Variants in FSTL5 observed in about 807,000 individuals in gnomAD.
FSTL5 encodes the protein follistatin like 5, also known as follistatin-related protein 5.
A neutral mutation model predicts 89.1 loss-of-function variants in FSTL5; 62 were observed. That is an observed-to-expected ratio of 0.70 (90% CI 0.57 to 0.86). The LOEUF (loss-of-function observed/expected upper bound fraction) is 0.86, where lower values mean the gene tolerates loss of function less well. Among genes scored for constraint, FSTL5 ranks in the 40% least tolerant of loss-of-function variants. FSTL5 has a pLI of 0.00. For synonymous variants in FSTL5, 383 were observed against 346.2 expected, an observed-to-expected ratio of 1.11 and a Z score of -1.18; for missense variants, 1,057 against 1,001.6, an observed-to-expected ratio of 1.06 and a Z score of -0.75.
At chr4:161,861,147 G>C (rs139361492) in intron 4 of FSTL5, among the ~76,000 whole-genome samples, 1 of 152,270 alleles carries the variant, frequency 6.6e-6, no homozygotes, top group African/African-American at 2.4e-5. Context: ...ATGCAGCCAG[G>C]CATGATGGCT....
At chr4:162,122,316 A>G (rs1453759560) in intron 1 of FSTL5, among the ~76,000 whole-genome samples, 2 of 152,124 alleles carry the variant, frequency 1.3e-5, no homozygotes, top group East Asian at 3.9e-4. Flanking sequence ...TTGCATTAAC[A>G]TTCTCAACCC....
intron 6 of FSTL5, among the ~76,000 whole-genome samples, chr4:161,679,343 T>G (rs1737438493): frequency 6.6e-6 from 1 of 151,748 alleles, no homozygotes; most frequent in African/African-American, 2.4e-5. Flanking sequence ...CGTTGCAGGT[T>G]TTGACTTATT....
chr4:162,111,560 C>T lies in FSTL5; in HGVS notation c.-16-148G>A, dbSNP rs1047861493. ...GCCAAGGGAAATGAGAAGTGAGTAT[C>T]TCCAAATACGGATTATTCCTTTGAT... On this transcript the variant is annotated intron_variant, in intron 1 of 15. Transcript: ENST00000306100. 7 of 525,760 alleles carry T rather than the reference C, an allele frequency of 1.3e-5. 1 individual carries two copies. The Admixed American group carries it at 1.4e-4, about 10-fold the overall frequency. The allele number at this position is 525,760 out of a possible 1,614,324, so 32.6% of individuals were successfully genotyped here. A position where few individuals can be genotyped will look rare whatever the true frequency, so the allele number is the denominator to read the frequency against.
At chr4:161,948,831 C>T (rs2068095000) in intron 3 of FSTL5, among the ~76,000 whole-genome samples, 1 of 151,554 alleles carries the variant, frequency 6.6e-6, no homozygotes, top group Non-Finnish European at 1.5e-5. Context: ...CATATTCTGA[C>T]TTCCATTCTT....
At chr4:161,903,527 TA>T (rs1282096064) in intron 4 of FSTL5, among the ~76,000 whole-genome samples, 2 of 151,966 alleles carry the variant, frequency 1.3e-5, no homozygotes, top group Admixed American at 1.3e-4. Flanking sequence ...GGAATTTTGA[TA>T]AAAAGTTTTT....
intron 13 of FSTL5, among the ~76,000 whole-genome samples, chr4:161,460,926 A>G (rs539478747): frequency 6.6e-6 from 1 of 151,204 alleles, no homozygotes; most frequent in South Asian, 2.1e-4. Context: ...CAGAGGCTTA[A>G]GAGTGGTCAC....
intron 1 of FSTL5, among the ~76,000 whole-genome samples, chr4:162,129,368 TC>T (rs1466218283): frequency 2.6e-5 from 4 of 152,204 alleles, no homozygotes; most frequent in Non-Finnish European, 5.9e-5. Flanking sequence ...AAACAATATC[TC>T]CCAGAAAACT....
intron 6 of FSTL5, among the ~76,000 whole-genome samples, chr4:161,659,232 T>C (rs1736626991): frequency 6.6e-6 from 1 of 152,186 alleles, no homozygotes; most frequent in Non-Finnish European, 1.5e-5. Context: ...GTAATACTTA[T>C]TATTAAGTAA....
chr4:161,441,936 A>G (rs1244034803), intron 15 of FSTL5, among the ~76,000 whole-genome samples: 6 of 152,120 alleles, frequency 3.9e-5, no homozygotes, highest in African/African-American at 1.4e-4. Context: ...ATTCGCTAAC[A>G]TAAGTGAAAC....
In FSTL5 at chr4:161,975,245, A is replaced by G. The variant is rs556257114; in HGVS notation, c.161-54593T>C. 1.0e-3 allele frequency among the ~76,000 whole-genome samples: 150 copies of G among 144,240 alleles called. 2 individuals carry two copies. The highest frequency in any genetic ancestry group is 1.7e-3 in the Non-Finnish European group (111 of 65,840). The allele number at this position is 144,240 out of a possible 152,430, so 94.6% of individuals were successfully genotyped here. A position where few individuals can be genotyped will look rare whatever the true frequency, so the allele number is the denominator to read the frequency against. On this transcript the variant is annotated intron_variant, in intron 3 of 15. Coordinates refer to ENST00000306100, the MANE Select transcript of FSTL5 (RefSeq NM_020116.5). ...AAATACCATTTGACCCAGCCATCCC[A>G]TTACTGGGTATATACCCAAAGGACT...
At chr4:161,742,972 G>T (rs1740079213) in intron 6 of FSTL5, among the ~76,000 whole-genome samples, 1 of 151,934 alleles carries the variant, frequency 6.6e-6, no homozygotes, top group South Asian at 2.1e-4. Flanking sequence ...ATATTAATCT[G>T]TTATGTAGAT....
chr4:161,852,985 T>G (rs1560881994), intron 4 of FSTL5, among the ~76,000 whole-genome samples: 1 of 152,202 alleles, frequency 6.6e-6, no homozygotes, highest in East Asian at 1.9e-4. Context: ...CATGTACCCC[T>G]GAACTTCAAA....
At chr4:161,410,916 A>G (rs1262111370) in intron 15 of FSTL5, among the ~76,000 whole-genome samples, 3 of 152,076 alleles carry the variant, frequency 2.0e-5, no homozygotes, top group Non-Finnish European at 4.4e-5. Context: ...GTAAAAATTC[A>G]TATGAAAGAT....
intron 2 of FSTL5, among the ~76,000 whole-genome samples, chr4:162,066,355 C>CTTCTTCTTCTTCTTCTTGTT (rs1553996329): frequency 1.6e-5 from 1 of 61,166 alleles, no homozygotes; most frequent in African/African-American, 6.1e-5. Flanking sequence ...TTCTTCTTCT[C>CTTCTTCTTCTTCTTCTTGTT]CTTCTTCTTC....
At chr4:161,851,761 T>G (rs1277477758) in intron 4 of FSTL5, among the ~76,000 whole-genome samples, 1 of 138,776 alleles carries the variant, frequency 7.2e-6, no homozygotes, top group African/African-American at 2.6e-5. Context: ...TTTTTTTTTT[T>G]GATAATATAT....
At chr4:161,521,331 T>A (rs541250442) in intron 10 of FSTL5, among the ~76,000 whole-genome samples, 5 of 152,242 alleles carry the variant, frequency 3.3e-5, no homozygotes, top group Admixed American at 6.5e-5. Context: ...ACAGTGTTTT[T>A]TTTTTCCTGT....
At chr4:162,106,070 C>T (rs553882135) in intron 2 of FSTL5, among the ~76,000 whole-genome samples, 1 of 152,286 alleles carries the variant, frequency 6.6e-6, no homozygotes, top group South Asian at 2.1e-4. Flanking sequence ...AAAATCACAT[C>T]CCACAAAGGA....
At chr4:161,603,896 A>AT (rs2126628034) in intron 7 of FSTL5, among the ~76,000 whole-genome samples, 1 of 152,302 alleles carries the variant, frequency 6.6e-6, no homozygotes, top group South Asian at 2.1e-4. Flanking sequence ...AGTACAATGC[A>AT]TTTTTTACCT....
intron 6 of FSTL5, among the ~76,000 whole-genome samples, chr4:161,753,500 C>G (rs77933851): frequency 0.08 from 12,208 of 152,122 alleles, 941 homozygotes; most frequent in African/African-American, 0.2. Flanking sequence ...GGTTCTGGCC[C>G]CGTCATCACT....
Sources: gnomAD v4.1 joint callset for allele counts (sites outside exome capture counted in the v4.1 genomes callset) on GRCh38, gnomAD v4.1.1 for gene constraint, MANE v1.5 for transcripts, NCBI Gene and HGNC (gene_info 2026-07-23, HGNC 2026-07-21) for gene names.